The following MAST4 variants were observed in gnomAD, a reference collection of about 807,000 sequenced individuals.
The protein encoded by MAST4 is microtubule associated serine/threonine kinase family member 4, also known as microtubule-associated serine/threonine-protein kinase 4.
A neutral mutation model predicts 162.7 loss-of-function variants in MAST4; 89 were observed. That is an observed-to-expected ratio of 0.55 (90% CI 0.46 to 0.65). The LOEUF (loss-of-function observed/expected upper bound fraction) is 0.65. Ranked by LOEUF, MAST4 falls within the 30% of genes least tolerant of loss-of-function variation. The probability of loss-of-function intolerance (pLI) is 0.00; values close to 1 mark genes in which losing one functional copy is unlikely to be tolerated. For synonymous variants in MAST4, 1,479 were observed against 1,361.1 expected, an observed-to-expected ratio of 1.09 and a Z score of -1.91; for missense variants, 3,153 against 3,374.0, an observed-to-expected ratio of 0.93 and a Z score of 1.62.
intron 1 of MAST4, among the ~76,000 whole-genome samples, chr5:66,731,164 T>C (rs1325674368): frequency 1.3e-5 from 2 of 152,194 alleles, no homozygotes; most frequent in African/African-American, 4.8e-5. Flanking sequence ...GGAGCTCCCA[T>C]AGGGATACAC....
At chr5:66,853,814 T>A (rs1237345124) in intron 3 of MAST4, among the ~76,000 whole-genome samples, 1 of 152,228 alleles carries the variant, frequency 6.6e-6, no homozygotes, top group Non-Finnish European at 1.5e-5. Context: ...AATATATAAC[T>A]TATGTTTTAA....
chr5:67,159,662 G>C (rs758943860), intron 26 of MAST4, among the ~76,000 whole-genome samples: 1 of 152,166 alleles, frequency 6.6e-6, no homozygotes, highest in Non-Finnish European at 1.5e-5. Flanking sequence ...ATTGATGCCA[G>C]GGACTACCCA....
chr5:66,819,421 G>A (rs546287840), intron 3 of MAST4, among the ~76,000 whole-genome samples: 11 of 152,240 alleles, frequency 7.2e-5, no homozygotes, highest in East Asian at 5.8e-4. Context: ...TTCATTTAAC[G>A]TAATGCCTCT....
chr5:67,047,647 G>A (rs772086718), intron 4 of MAST4, among the ~76,000 whole-genome samples: 1 of 152,188 alleles, frequency 6.6e-6, no homozygotes, highest in Non-Finnish European at 1.5e-5. Context: ...CTTGAGAGCA[G>A]AGATTTTTGT....
At chr5:66,789,489 T>C (rs1389872158) in intron 3 of MAST4, among the ~76,000 whole-genome samples, 1 of 152,256 alleles carries the variant, frequency 6.6e-6, no homozygotes, top group East Asian at 1.9e-4. Context: ...CTTTGTCTTT[T>C]ATGACATTTG....
intron 4 of MAST4, among the ~76,000 whole-genome samples, chr5:67,005,526 G>T (rs563646365): frequency 6.6e-6 from 1 of 152,316 alleles, no homozygotes; most frequent in East Asian, 1.9e-4. Flanking sequence ...ACGATGCAAG[G>T]ATAGCCCAGG....
At chr5:66,670,896 C>G (rs772682708) in intron 1 of MAST4, among the ~76,000 whole-genome samples, 13 of 151,990 alleles carry the variant, frequency 8.6e-5, no homozygotes, top group Non-Finnish European at 1.8e-4. Context: ...AATTATTAAT[C>G]GCGCCCTTTC....
chr5:66,607,675 A>G (rs565931669), intron 1 of MAST4, among the ~76,000 whole-genome samples: 1 of 152,336 alleles, frequency 6.6e-6, no homozygotes, highest in Non-Finnish European at 1.5e-5. Context: ...AAATTGGGGA[A>G]TCTGAACTCC....
chr5:66,805,848 C>G (rs1195305868), intron 3 of MAST4, among the ~76,000 whole-genome samples: 1 of 152,148 alleles, frequency 6.6e-6, no homozygotes, highest in Non-Finnish European at 1.5e-5. Flanking sequence ...ATTGTGAGGT[C>G]CAGATCTTCT....
chr5:66,950,585 T>C (rs1323288557), intron 4 of MAST4, among the ~76,000 whole-genome samples: 3 of 152,206 alleles, frequency 2.0e-5, no homozygotes, highest in Non-Finnish European at 2.9e-5. Flanking sequence ...AATGTCTTCA[T>C]AGTTCATCCA....
At chr5:66,697,390 A>T (rs908277100) in intron 1 of MAST4, among the ~76,000 whole-genome samples, 1 of 152,246 alleles carries the variant, frequency 6.6e-6, no homozygotes, top group Non-Finnish European at 1.5e-5. Flanking sequence ...AATGATAACC[A>T]TATCAGAAAG....
At chr5:67,054,319 C>A in intron 4 of MAST4, 85 bp from the exon 5 acceptor site, 1 of 1,131,356 alleles carries the variant, frequency 8.8e-7, no homozygotes, top group Admixed American at 2.6e-5. Context: ...GGTTGCTCAA[C>A]CTGGTCCATG....
chr5:66,735,831 T>C (rs1366371779), intron 1 of MAST4, among the ~76,000 whole-genome samples: 1 of 152,218 alleles, frequency 6.6e-6, no homozygotes, highest in Admixed American at 6.5e-5. Context: ...GAGTAATTAC[T>C]CGAGAAATGC....
At chr5:66,795,917 C>G (rs183176009) in intron 3 of MAST4, among the ~76,000 whole-genome samples, 94 of 152,270 alleles carry the variant, frequency 6.2e-4, no homozygotes, top group African/African-American at 1.7e-3. Flanking sequence ...ATCAGAGTCT[C>G]TGGAGTGCTT....
chr5:66,883,637 C>T (rs1208623018), intron 3 of MAST4, among the ~76,000 whole-genome samples: 1 of 152,030 alleles, frequency 6.6e-6, no homozygotes, highest in East Asian at 1.9e-4. Flanking sequence ...CCATGTTGGT[C>T]AGGCTGGCCT....
chr5:66,702,380 G>A (rs960191139), intron 1 of MAST4, among the ~76,000 whole-genome samples: 3 of 152,196 alleles, frequency 2.0e-5, no homozygotes, highest in African/African-American at 7.2e-5. Context: ...GGGGTAGAGG[G>A]AATGTGGTGA....
In MAST4 at chr5:67,163,292, C is replaced by T. The variant is rs747065244; in HGVS notation, c.4113C>T (p.Ala1371=). 9 of 1,613,166 alleles carry T rather than the reference C, an allele frequency of 5.6e-6. No homozygotes were observed. The African/African-American group carries it at 6.7e-5, about 12-fold the overall frequency. The change falls in exon 29 of 29, where the codon GCC becomes GCT. Residue 1371 remains alanine (A), a synonymous_variant. Transcript: ENST00000403625. The surrounding 1 kb of genome is among the most constrained non-coding windows in gnomAD (Gnocchi z 7.0). ...ACCGGTCCGGAAGGCGAAAGTCCGC[C>T]GGCAACATCCCACTGTCCCCGCTGG... ...QRYRSGRRKS[A]GNIPLSPLAR...
At chr5:66,785,326 G>A (rs993413837) in intron 2 of MAST4, among the ~76,000 whole-genome samples, 1 of 152,140 alleles carries the variant, frequency 6.6e-6, no homozygotes, top group African/African-American at 2.4e-5. Context: ...ATCTTTCCAG[G>A]TGCTTTTCTC....
Position 67,152,802 on chromosome 5 carries a change from C to T in MAST4, c.3461C>T (p.Thr1154Ile). 1.2e-6 allele frequency: 2 copies of T among 1,614,044 alleles called. No individual in the cohort carries two copies. The highest frequency in any genetic ancestry group is 1.7e-6 in the Non-Finnish European group (2 of 1,179,894). The change falls in exon 25 of 29, where the codon ACC (threonine) becomes ATC (isoleucine). Residue 1154 changes from threonine (T) to isoleucine (I), a missense_variant. By Grantham distance (89) the Thr-to-Ile change is moderately conservative (BLOSUM62 -1). Around this residue, in one of 7 missense-constraint regions of MAST4, gnomAD observed 619 missense variants for 744.2 expected, o/e 0.83. Coordinates refer to ENST00000403625, the MANE Select transcript of MAST4 (RefSeq NM_001164664.2). The part of the protein sequence containing the change: ...IHSSGKNYGF[T>I]IRAIRVYVGD... ...AGTTCGGGGAAGAACTACGGCTTTA[C>T]CATCCGAGCCATCCGGGTGTATGTG...
Sources: gnomAD v4.1 joint callset for allele counts (sites outside exome capture counted in the v4.1 genomes callset) on GRCh38, gnomAD v4.1.1 for gene constraint, gnomAD v4.1.1 regional missense constraint, Gnocchi (gnomAD v3.1) non-coding constraint, MANE v1.5 for transcripts, NCBI Gene and HGNC (gene_info 2026-07-23, HGNC 2026-07-21) for gene names.